The following ZNF280D variants were observed in gnomAD, a reference collection of about 807,000 sequenced individuals.
ZNF280D encodes the protein zinc finger protein 280D, also known as suppressor of hairy wing homolog 4.
In ZNF280D, 39 loss-of-function variants were observed where a neutral mutation model predicts 94.7. That is an observed-to-expected ratio of 0.41 (90% CI 0.32 to 0.54). ZNF280D has a LOEUF of 0.54. ZNF280D is among the 20% of genes least tolerant of loss of function. The pLI, the probability that ZNF280D is intolerant of heterozygous loss-of-function variation, is 0.22. For missense variants in ZNF280D, 1,090 were observed against 1,149.3 expected (o/e 0.95, Z 0.75); for synonymous variants, 398 against 377.6 (o/e 1.05, Z -0.63).
At chr15:56,717,465 A>C (rs1253044953) in intron 1 of ZNF280D, among the ~76,000 whole-genome samples, 2 of 152,124 alleles carry the variant, frequency 1.3e-5, no homozygotes, top group African/African-American at 4.8e-5. Context: ...TAACAACAAC[A>C]GTAATATTTA....
chr15:56,650,479 G>C (rs2053145278), intron 19 of ZNF280D, among the ~76,000 whole-genome samples: 2 of 152,078 alleles, frequency 1.3e-5, no homozygotes, highest in East Asian at 1.9e-4. Context: ...CTAATATTTT[G>C]ACTGTCAATG....
chr15:56,667,019 G>C (rs2140861425), intron 14 of ZNF280D, 33 bp from the exon 15 acceptor site: 3 of 1,460,262 alleles, frequency 2.1e-6, no homozygotes, highest in Non-Finnish European at 2.7e-6. Context: ...TGCTTTAAGA[G>C]ATTAATCAGT....
chr15:56,695,422 T>C (rs1238036101), intron 6 of ZNF280D, among the ~76,000 whole-genome samples: 1 of 151,846 alleles, frequency 6.6e-6, no homozygotes, highest in African/African-American at 2.4e-5. Flanking sequence ...TTTATGGTAA[T>C]GAAATAAAAA....
At chr15:56,731,953 T>C (rs1171352866) in intron 1 of ZNF280D, among the ~76,000 whole-genome samples, 1 of 152,206 alleles carries the variant, frequency 6.6e-6, no homozygotes, top group Non-Finnish European at 1.5e-5. Flanking sequence ...GAGGTCAGCT[T>C]GAGCCCAGGA....
chr15:56,672,334 A>C (rs1207807308), intron 13 of ZNF280D, among the ~76,000 whole-genome samples: 54 of 151,926 alleles, frequency 3.6e-4, no homozygotes, highest in Admixed American at 3.5e-3. Context: ...TATGGCTCTT[A>C]TTATTTTGAG....
chr15:56,649,054 A>G (rs1459229767), intron 19 of ZNF280D, among the ~76,000 whole-genome samples: 1 of 152,184 alleles, frequency 6.6e-6, no homozygotes, highest in Non-Finnish European at 1.5e-5. Context: ...AGGTAAAGAC[A>G]GAGAGACAAG....
intron 12 of ZNF280D, 51 bp downstream of exon 12, chr15:56,677,523 A>T: frequency 7.2e-7 from 1 of 1,393,042 alleles, no homozygotes; most frequent in Non-Finnish European, 1.0e-6. Context: ...TTTTATAACC[A>T]AAACAACAAA....
At chr15:56,674,118 A>G (rs1214953864) in intron 13 of ZNF280D, among the ~76,000 whole-genome samples, 1 of 152,110 alleles carries the variant, frequency 6.6e-6, no homozygotes, top group Non-Finnish European at 1.5e-5. Context: ...CACTCAGTAA[A>G]TATTTCTTAA....
rs2052447943 is a variant in ZNF280D, at chr15:56,638,212, G to A, written c.2260-2962C>T. 3.3e-5 allele frequency among the ~76,000 whole-genome samples: 5 copies of A among 152,178 alleles called. No homozygotes were observed. In the South Asian group the frequency reaches 1.0e-3, roughly 31 times the overall value. ...AGATTAATGCTAATATTTACTGTGA[G>A]TGCTTGATATTATATAATGAAATAT... On this transcript the variant is annotated intron_variant, in intron 20 of 21. Coordinates refer to ENST00000267807, the MANE Select transcript of ZNF280D (RefSeq NM_017661.4).
At chr15:56,710,169 G>A (rs1180308181) in intron 1 of ZNF280D, among the ~76,000 whole-genome samples, 16 of 152,198 alleles carry the variant, frequency 1.1e-4, no homozygotes, top group Admixed American at 6.5e-4. Flanking sequence ...TTGGGAGGCC[G>A]AGGCGGGTGG....
intron 9 of ZNF280D, among the ~76,000 whole-genome samples, chr15:56,687,792 G>A (rs576064869): frequency 6.6e-6 from 1 of 152,140 alleles, no homozygotes; most frequent in Non-Finnish European, 1.5e-5. Context: ...ACAACGTGCA[G>A]TTATCCAGGG....
At chr15:56,639,419 T>C (rs903074651) in intron 20 of ZNF280D, among the ~76,000 whole-genome samples, 11 of 151,776 alleles carry the variant, frequency 7.2e-5, no homozygotes, top group Non-Finnish European at 1.6e-4. Flanking sequence ...ACAAGAAAAC[T>C]TCTCCCAAAC....
Position 56,701,219 on chromosome 15 carries a change from G to T in ZNF280D, c.195C>A (p.Asn65Lys), listed in dbSNP as rs977368904. 6.4e-7 allele frequency: 1 copy of T among 1,570,590 alleles called. No individual in the cohort carries two copies. The highest frequency in any genetic ancestry group is 1.2e-5 in the South Asian group (1 of 86,734). ...PAISNILNRV[N>K]PSSYSRGLKN... ...TTAGTCCCCTTGAATATGAGCTGGG[G>T]TTAACTCTGTTCAAAATATCTATAA... Residue 65 changes from asparagine to lysine, a missense_variant, in exon 5 of 22, where the codon AAC becomes AAA. This residue lies in a region of ZNF280D where 386 missense variants were observed against 372.0 expected (regional missense o/e 1.04). Coordinates refer to ENST00000267807, the MANE Select transcript of ZNF280D (RefSeq NM_017661.4).
Position 56,669,104 on chromosome 15 carries a change from C to T in ZNF280D, c.1411-147G>A, listed in dbSNP as rs2054499966. 16 of 710,742 alleles carry T rather than the reference C, an allele frequency of 2.3e-5. No homozygotes were observed. In the East Asian group the frequency reaches 4.7e-4, roughly 21 times the overall value. 44.0% of individuals were successfully genotyped at this position (710,742 alleles called of 1,614,324 possible). On this transcript the variant is annotated intron_variant, in intron 13 of 21. Transcript: ENST00000267807. ...TCTCCTATCATAATAATATAAAATG[C>T]CTCATTTTTTAAAAGTCATTACATT...
In ZNF280D at chr15:56,666,490, T is replaced by C. The variant is rs2054293344; in HGVS notation, c.1899A>G (p.Ile633Met). ...IHKCIECCSE[I>M]KDFANHFPTY... ...TAGGAAAGTGGTTTGCAAAATCTTT[T>C]ATTTCGGAACAACACTCAATGCATT... Residue 633 changes from isoleucine to methionine, a missense_variant, in exon 16 of 22, where the codon ATA becomes ATG. Ile to Met is a conservative substitution (Grantham distance 10). Transcript: ENST00000267807. 1.9e-6 allele frequency: 3 copies of C among 1,603,022 alleles called. No homozygotes were observed. The African/African-American group carries it at 4.0e-5, about 22-fold the overall frequency.
rs538374660 is a variant in ZNF280D, at chr15:56,678,758, G to C, written c.1068C>G (p.Asn356Lys). 3.7e-6 allele frequency: 6 copies of C among 1,613,002 alleles called. No individual in the cohort carries two copies. Among genetic ancestry groups the C allele is most frequent in the Non-Finnish European group, 4.2e-6 (5 of 1,179,500 alleles). The change falls in exon 11 of 22, where the codon AAC becomes AAG. Residue 356 changes from asparagine (N) to lysine (K), a missense_variant. Coordinates refer to ENST00000267807, the MANE Select transcript of ZNF280D (RefSeq NM_017661.4). ...LEKQSSESWENHTTCQHCYRQ... is the reference protein window; with the variant it reads ...LEKQSSESWEKHTTCQHCYRQ... ...GGTAGCAGTGCTGGCAGGTGGTATG[G>C]TTTTCCCAGCTCTCACTGCTCTGCT...
intron 11 of ZNF280D, among the ~76,000 whole-genome samples, chr15:56,677,957 T>C (rs950486053): frequency 6.6e-6 from 1 of 151,978 alleles, no homozygotes; most frequent in Admixed American, 6.6e-5. Flanking sequence ...AAGAGGCAGA[T>C]CTGAGATTTA....
At chr15:56,719,280 C>T (rs1322356725) in intron 1 of ZNF280D, among the ~76,000 whole-genome samples, 1 of 151,616 alleles carries the variant, frequency 6.6e-6, no homozygotes, top group Non-Finnish European at 1.5e-5. Flanking sequence ...GCTGTCCTCA[C>T]GGTAATGAGT....
At chr15:56,693,265 T>C in intron 6 of ZNF280D, 50 bp from the exon 7 acceptor site, 1 of 599,944 alleles carries the variant, frequency 1.7e-6, no homozygotes, top group Non-Finnish European at 2.5e-6. Context: ...ACAGTTATAA[T>C]TATTTCAATA....
Sources: gnomAD v4.1 joint callset for allele counts (sites outside exome capture counted in the v4.1 genomes callset) on GRCh38, gnomAD v4.1.1 for gene constraint, gnomAD v4.1.1 regional missense constraint, MANE v1.5 for transcripts, NCBI Gene and HGNC (gene_info 2026-07-23, HGNC 2026-07-21) for gene names.